CDH18: variants seen among roughly 807,000 people sequenced by gnomAD.
CDH18 encodes the protein cadherin-18.
In CDH18, 31 loss-of-function variants were observed where a neutral mutation model predicts 67.9. The observed-to-expected ratio is 0.46, with a 90% confidence interval of 0.34 to 0.62. The LOEUF (loss-of-function observed/expected upper bound fraction) is 0.62. CDH18 is among the 20% of genes least tolerant of loss of function. The pLI is 0.01. For missense variants in CDH18, 890 were observed against 975.5 expected, an observed-to-expected ratio of 0.91 and a Z score of 1.17; for synonymous variants, 362 against 347.2, an observed-to-expected ratio of 1.04 and a Z score of -0.48.
At chr5:20,110,066 AT>A (rs2126330685) in intron 2 of CDH18, among the ~76,000 whole-genome samples, 1 of 152,262 alleles carries the variant, frequency 6.6e-6, no homozygotes, top group South Asian at 2.1e-4. Flanking sequence ...CAACTTTCAG[AT>A]TTCTCTCTCT....
At chr5:19,812,593 A>C (rs571898052) in intron 3 of CDH18, among the ~76,000 whole-genome samples, 1 of 152,298 alleles carries the variant, frequency 6.6e-6, no homozygotes, top group East Asian at 1.9e-4. Flanking sequence ...AGGAGAACAA[A>C]AGAACAACAA....
chr5:20,355,341 CT>C (rs1741526981), intron 1 of CDH18, among the ~76,000 whole-genome samples: 1 of 152,204 alleles, frequency 6.6e-6, no homozygotes, highest in Non-Finnish European at 1.5e-5. Context: ...TGTCTCTGAA[CT>C]TTTCCAAACT....
chr5:19,517,759 C>A (rs575768647), intron 10 of CDH18, among the ~76,000 whole-genome samples: 1 of 152,014 alleles, frequency 6.6e-6, no homozygotes, highest in Non-Finnish European at 1.5e-5. Context: ...GTCCCATTCT[C>A]TCTCATATGC....
intron 8 of CDH18, among the ~76,000 whole-genome samples, chr5:19,565,470 A>C (rs1740212775): frequency 6.6e-6 from 1 of 152,234 alleles, no homozygotes. Flanking sequence ...ACAAGTCTTC[A>C]GAGTCACAGC....
intron 1 of CDH18, among the ~76,000 whole-genome samples, chr5:20,356,753 C>CTCTCTATATA (rs1228584814): frequency 3.3e-5 from 4 of 121,554 alleles, no homozygotes; most frequent in African/African-American, 1.3e-4. Context: ...CTCTCTCTCT[C>CTCTCTATATA]TATATATATA....
intron 2 of CDH18, among the ~76,000 whole-genome samples, chr5:20,078,099 A>C (rs1744106067): frequency 6.6e-6 from 1 of 152,224 alleles, no homozygotes; most frequent in Non-Finnish European, 1.5e-5. Flanking sequence ...AAAAGTCAAC[A>C]AGAAGGCAAC....
intron 1 of CDH18, among the ~76,000 whole-genome samples, chr5:20,435,143 A>G (rs1265768646): frequency 6.6e-6 from 1 of 152,054 alleles, no homozygotes; most frequent in Non-Finnish European, 1.5e-5. Flanking sequence ...CCCACCACAC[A>G]CACACATAAC....
intron 1 of CDH18, among the ~76,000 whole-genome samples, chr5:20,530,557 A>T (rs1438205907): frequency 6.6e-6 from 1 of 152,074 alleles, no homozygotes; most frequent in Non-Finnish European, 1.5e-5. Context: ...CCAGTGGAAC[A>T]GAATAGAGAA....
At chr5:20,093,025 A>T (rs1284575018) in intron 2 of CDH18, among the ~76,000 whole-genome samples, 1 of 152,188 alleles carries the variant, frequency 6.6e-6, no homozygotes, top group African/African-American at 2.4e-5. Flanking sequence ...TATGCATAAC[A>T]TAAAATTTAT....
chr5:19,545,526 C>T (rs1293222368), intron 8 of CDH18, among the ~76,000 whole-genome samples: 2 of 152,076 alleles, frequency 1.3e-5, no homozygotes, highest in Non-Finnish European at 2.9e-5. Flanking sequence ...TATTTGTCAA[C>T]TTGGACAAAG....
chr5:20,471,220 G>A (rs1042415754), intron 1 of CDH18, among the ~76,000 whole-genome samples: 1 of 152,032 alleles, frequency 6.6e-6, no homozygotes, highest in Non-Finnish European at 1.5e-5. Context: ...TCCACTTTCT[G>A]TAAACTCAGT....
intron 2 of CDH18, among the ~76,000 whole-genome samples, chr5:20,211,418 A>G (rs1473818991): frequency 6.6e-6 from 1 of 152,104 alleles, no homozygotes; most frequent in East Asian, 1.9e-4. Flanking sequence ...GGAGTCTGAG[A>G]TCTGAGAATG....
intron 1 of CDH18, among the ~76,000 whole-genome samples, chr5:20,573,733 A>G (rs1433935156): frequency 1.3e-5 from 2 of 148,692 alleles, no homozygotes; most frequent in African/African-American, 4.9e-5. Flanking sequence ...ACATAAATAT[A>G]TGGTTTACAG....
chr5:20,502,469 T>C (rs1355057), intron 1 of CDH18, among the ~76,000 whole-genome samples: 71,926 of 151,886 alleles, frequency 0.47, 17,248 homozygotes, highest in East Asian at 0.56. Context: ...CCCTAGTTCT[T>C]CAATTATTCA....
chr5:20,098,334 G>A (rs1364832710), intron 2 of CDH18, among the ~76,000 whole-genome samples: 1 of 151,746 alleles, frequency 6.6e-6, no homozygotes, highest in Admixed American at 6.6e-5. Context: ...TATATTCTAA[G>A]GTATACAACA....
At chr5:19,485,705 A>C (rs935930344) in intron 11 of CDH18, among the ~76,000 whole-genome samples, 1 of 152,250 alleles carries the variant, frequency 6.6e-6, no homozygotes, top group Non-Finnish European at 1.5e-5. Context: ...ATGTTGCATC[A>C]CAATGAACAG....
chr5:19,922,656 C>CT (rs1792622470), intron 2 of CDH18, among the ~76,000 whole-genome samples: 1 of 152,082 alleles, frequency 6.6e-6, no homozygotes, highest in Admixed American at 6.6e-5. Flanking sequence ...TACTTTTAAT[C>CT]TTTTTTCTAT....
chr5:19,800,721 G>A (rs538751608), intron 3 of CDH18, among the ~76,000 whole-genome samples: 1 of 152,146 alleles, frequency 6.6e-6, no homozygotes, highest in Non-Finnish European at 1.5e-5. Flanking sequence ...ATAGACTCTG[G>A]TTAAAACAAA....
chr5:20,216,233 G>C (rs1291693414), intron 2 of CDH18, among the ~76,000 whole-genome samples: 1 of 151,910 alleles, frequency 6.6e-6, no homozygotes, highest in Non-Finnish European at 1.5e-5. Context: ...AATTTCTATA[G>C]TGTGACAGAG....
Sources: allele counts gnomAD v4.1 joint callset (sites outside exome capture counted in the v4.1 genomes callset), GRCh38; gene constraint gnomAD v4.1.1; transcripts MANE v1.5; gene names NCBI Gene and HGNC (gene_info 2026-07-23, HGNC 2026-07-21).